Variants in CALN1 observed in about 807,000 individuals in gnomAD.
CALN1 encodes calneuron 1, also known as calcium-binding protein 8.
A neutral mutation model predicts 30.6 loss-of-function variants in CALN1; 17 were observed. The observed-to-expected ratio is 0.56, with a 90% CI of 0.38 to 0.83. The LOEUF (loss-of-function observed/expected upper bound fraction) is 0.83, where lower values mean the gene tolerates loss of function less well. CALN1 is among the 40% of genes least tolerant of loss of function. The pLI, the probability that CALN1 is intolerant of heterozygous loss-of-function variation, is 0.00. For synonymous variants in CALN1, 156 were observed against 131.4 expected, an observed-to-expected ratio of 1.19 and a Z score of -1.28; for missense variants, 291 against 354.9, an observed-to-expected ratio of 0.82 and a Z score of 1.45.
chr7:72,155,940 T>G (rs1173563248), intron 3 of CALN1, among the ~76,000 whole-genome samples: 1 of 152,136 alleles, frequency 6.6e-6, no homozygotes, highest in Non-Finnish European at 1.5e-5. Flanking sequence ...TTCCTCTCTC[T>G]AATCTCCTGC....
intron 1 of CALN1, among the ~76,000 whole-genome samples, chr7:72,426,641 A>G (rs2129563861): frequency 6.6e-6 from 1 of 152,344 alleles, no homozygotes; most frequent in East Asian, 1.9e-4. Flanking sequence ...CTGAAAAACT[A>G]CGAGCCTGAC....
At chr7:72,378,630 T>A (rs551489709) in intron 2 of CALN1, among the ~76,000 whole-genome samples, 40 of 152,340 alleles carry the variant, frequency 2.6e-4, no homozygotes, top group Non-Finnish European at 5.1e-4. Flanking sequence ...CACATTACTT[T>A]CATATACCTT....
chr7:71,820,266 T>G (rs547806529), intron 5 of CALN1, among the ~76,000 whole-genome samples: 13 of 152,286 alleles, frequency 8.5e-5, no homozygotes, highest in African/African-American at 2.9e-4. Context: ...AATCCACCTA[T>G]GACCTGGAAG....
intron 1 of CALN1, among the ~76,000 whole-genome samples, chr7:72,407,344 G>A (rs555670266): frequency 3.3e-5 from 5 of 152,318 alleles, no homozygotes; most frequent in South Asian, 2.1e-4. Context: ...ACCTGATACG[G>A]TTTGGATTTG....
intron 5 of CALN1, among the ~76,000 whole-genome samples, chr7:71,943,597 C>T (rs1796247513): frequency 1.1e-5 from 1 of 91,064 alleles, no homozygotes; most frequent in African/African-American, 4.6e-5. Context: ...TGTGTTATCA[C>T]ATGGGCTAAT....
At position 71,786,637 on chromosome 7, in the gene CALN1, A is replaced by G. The variant is rs1413321086; in HGVS notation, c.*1138T>C. The stretch of plus-strand genomic sequence containing the variant: ...TCTTATGTGAAAATACAGTCGTTTG[A>G]TCTCTCCATCTTTCCATTTTGGATT... On this transcript the variant is annotated 3_prime_UTR_variant, in exon 7 of 7. Coordinates refer to ENST00000395275, the MANE Select transcript of CALN1 (RefSeq NM_031468.4). The G allele has an allele frequency of 6.6e-6, 1 of 151,342 alleles. No individual in the cohort carries two copies. Among genetic ancestry groups the G allele is most frequent in the Non-Finnish European group, 1.5e-5 (1 of 67,886 alleles). 9.4% of individuals were successfully genotyped at this position (151,342 alleles called of 1,614,324 possible).
chr7:72,031,061 A>T (rs1474441090), intron 4 of CALN1, among the ~76,000 whole-genome samples: 1 of 152,206 alleles, frequency 6.6e-6, no homozygotes, highest in Non-Finnish European at 1.5e-5. Flanking sequence ...GAGAAAACTG[A>T]GGCTCAAAGA....
At chr7:71,923,519 A>G (rs1188816070) in intron 5 of CALN1, among the ~76,000 whole-genome samples, 1 of 152,144 alleles carries the variant, frequency 6.6e-6, no homozygotes, top group Non-Finnish European at 1.5e-5. Context: ...TCACTCTATT[A>G]TTCCAAATCT....
At chr7:72,297,665 A>G (rs1798961233) in intron 2 of CALN1, among the ~76,000 whole-genome samples, 1 of 152,152 alleles carries the variant, frequency 6.6e-6, no homozygotes, top group Non-Finnish European at 1.5e-5. Flanking sequence ...TCCAGACTTT[A>G]TTTTCATGTC....
intron 1 of CALN1, among the ~76,000 whole-genome samples, chr7:72,408,897 C>T (rs1461537898): frequency 1.3e-5 from 2 of 151,746 alleles, no homozygotes; most frequent in African/African-American, 4.8e-5. Flanking sequence ...AGGTTGGTCT[C>T]AAACTCTTGG....
intron 5 of CALN1, among the ~76,000 whole-genome samples, chr7:71,982,674 G>A (rs1798462537): frequency 6.6e-6 from 1 of 152,172 alleles, no homozygotes; most frequent in Non-Finnish European, 1.5e-5. Flanking sequence ...CCAAACCAAG[G>A]AAGTGAAATA....
intron 3 of CALN1, among the ~76,000 whole-genome samples, chr7:72,160,360 C>T (rs1788015886): frequency 6.6e-6 from 1 of 151,680 alleles, no homozygotes; most frequent in Non-Finnish European, 1.5e-5. Flanking sequence ...GCCACTGCAA[C>T]CTCCAGCTCC....
At chr7:72,402,820 G>C (rs1002959436) in intron 2 of CALN1, among the ~76,000 whole-genome samples, 1 of 152,148 alleles carries the variant, frequency 6.6e-6, no homozygotes, top group African/African-American at 2.4e-5. Flanking sequence ...GTTTGCCTTT[G>C]GCTGTGATCT....
chr7:71,985,103 C>A (rs186918013), intron 5 of CALN1, among the ~76,000 whole-genome samples: 19 of 152,194 alleles, frequency 1.2e-4, no homozygotes, highest in Admixed American at 1.2e-3. Flanking sequence ...AAAAGACACA[C>A]CACCAAATTG....
chr7:72,036,020 G>T (rs1801775690), intron 4 of CALN1, among the ~76,000 whole-genome samples: 1 of 152,160 alleles, frequency 6.6e-6, no homozygotes. Context: ...CTCTGTTGCA[G>T]GGCAAGTCTA....
chr7:72,325,802 G>A (rs993651306), intron 2 of CALN1, among the ~76,000 whole-genome samples: 1 of 152,094 alleles, frequency 6.6e-6, no homozygotes, highest in Non-Finnish European at 1.5e-5. Context: ...TGAAGGGAAC[G>A]GATTGATGGC....
At chr7:72,200,173 G>T (rs1791322891) in intron 3 of CALN1, among the ~76,000 whole-genome samples, 1 of 152,116 alleles carries the variant, frequency 6.6e-6, no homozygotes, top group Non-Finnish European at 1.5e-5. Flanking sequence ...TGGGGGGAGT[G>T]GAGGGGAGTG....
intron 5 of CALN1, among the ~76,000 whole-genome samples, chr7:71,971,772 C>A (rs1161259210): frequency 6.6e-6 from 1 of 150,808 alleles, no homozygotes; most frequent in Non-Finnish European, 1.5e-5. Flanking sequence ...GTAGCATACA[C>A]CTCTGGTCCC....
intron 5 of CALN1, among the ~76,000 whole-genome samples, chr7:71,871,729 A>T (rs1201761771): frequency 5.9e-5 from 9 of 151,900 alleles, no homozygotes; most frequent in African/African-American, 1.7e-4. Context: ...CTAGTTTCCC[A>T]TGAATCACTC....
Sources: gnomAD v4.1 joint callset for allele counts (sites outside exome capture counted in the v4.1 genomes callset) on GRCh38, gnomAD v4.1.1 for gene constraint, MANE v1.5 for transcripts, NCBI Gene and HGNC (gene_info 2026-07-23, HGNC 2026-07-21) for gene names.